Variants in RPS3 observed in about 807,000 individuals in gnomAD.
RPS3 encodes ribosomal protein S3.
RPS3 carries 2 observed loss-of-function variants against 25.8 expected under a neutral mutation model. The observed-to-expected ratio is 0.08, with a 90% confidence interval of 0.03 to 0.24. The LOEUF is 0.24. Ranked by LOEUF, RPS3 falls within the 10% of genes least tolerant of loss-of-function variation. RPS3 has a pLI of 1.00. For synonymous variants in RPS3, 114 were observed against 114.2 expected (o/e 1.00, Z 0.01); for missense variants, 107 against 307.1 (o/e 0.35, Z 4.87).
At position 75,404,364 on chromosome 11, in the gene RPS3, G is replaced by A. The variant is rs534016694; in HGVS notation, c.538+157G>A. ...CACGTTGATCTGTAAGAATCGATTT[G>A]CTGAGATCTGTCAGATCCAAGAGTT... On this transcript the variant is annotated intron_variant, in intron 5 of 6. Transcript: ENST00000531188. The surrounding 1 kb of genome is among the most constrained non-coding windows in gnomAD (Gnocchi z 4.6). 1.2e-6 allele frequency: 1 copy of A among 823,780 alleles called. No homozygotes were observed. Among genetic ancestry groups the A allele is most frequent in the African/African-American group, 1.7e-5 (1 of 60,012 alleles). 51.0% of individuals were successfully genotyped at this position (823,780 alleles called of 1,614,324 possible).
Position 75,402,301 on chromosome 11 carries a change from C to T in RPS3, c.256-51C>T, listed in dbSNP as rs1948221510. ...TGGCAAATGCCAAATTTTCAACTTT[C>T]AGTTGAAAATAATGGTGATGGTAAC... is the stretch of plus-strand genomic sequence containing the variant. On this transcript the variant is annotated intron_variant, in intron 3 of 6. Transcript: ENST00000531188. 1 of 1,595,994 alleles carries T rather than the reference C, an allele frequency of 6.3e-7. No homozygotes were observed. Among genetic ancestry groups the T allele is most frequent in the Middle Eastern group, 1.7e-4 (1 of 6,006 alleles).
downstream of RPS3, among the ~76,000 whole-genome samples, chr11:75,411,486 T>A (rs1306128592): frequency 2.0e-5 from 3 of 152,144 alleles, no homozygotes; most frequent in Non-Finnish European, 4.4e-5. Context: ...ACCTCCTGGC[T>A]TCACGACATT....
At chr11:75,400,138 C>CTT (rs1948185403) in intron 1 of RPS3, among the ~76,000 whole-genome samples, 1 of 152,212 alleles carries the variant, frequency 6.6e-6, no homozygotes, top group African/African-American at 2.4e-5. Context: ...CGTATATACA[C>CTT]TTCGATGTCA....
chr11:75,409,759 C>T (rs1304678352), downstream of RPS3, among the ~76,000 whole-genome samples: 3 of 151,126 alleles, frequency 2.0e-5, no homozygotes, highest in East Asian at 2.0e-4. Context: ...CCAGTAGGGG[C>T]GGCCGGGCAG....
chr11:75,402,510 T>G, intron 4 of RPS3, 64 bp downstream of exon 4: 1 of 1,508,058 alleles, frequency 6.6e-7, no homozygotes, highest in Admixed American at 1.8e-5. Flanking sequence ...GTCTGCCATT[T>G]GTTAATTTAG....
chr11:75,402,207 C>G, intron 3 of RPS3, 145 bp from the exon 4 acceptor site: 1 of 1,214,570 alleles, frequency 8.2e-7, no homozygotes, highest in Middle Eastern at 2.0e-4. Context: ...GGGCCACAAT[C>G]AAAGCCATCT....
chr11:75,420,094 G>A (rs1042767348), intron 6 of RPS3, among the ~76,000 whole-genome samples: 3 of 152,208 alleles, frequency 2.0e-5, no homozygotes, highest in African/African-American at 7.2e-5. Flanking sequence ...CGGCAAAGCC[G>A]CACACCTGAG....
chr11:75,407,494 C>T (rs1029217626), downstream of RPS3, among the ~76,000 whole-genome samples: 2 of 151,800 alleles, frequency 1.3e-5, no homozygotes, highest in African/African-American at 2.4e-5. Context: ...TTTTTTGAGA[C>T]GGAGTCTCGC....
chr11:75,415,167 A>T (rs1461262466), intron 6 of RPS3, among the ~76,000 whole-genome samples: 4 of 152,136 alleles, frequency 2.6e-5, no homozygotes, highest in Non-Finnish European at 5.9e-5. Context: ...TACTAAGGGG[A>T]CTTGAGATGC....
rs1487836000 is a variant in RPS3 at position 75,404,167 on chromosome 11, C to T, written c.498C>T (p.Tyr166=). The change falls in exon 5 of 7, where the codon TAC becomes TAT. Residue 166 remains tyrosine (Y), a synonymous_variant. Coordinates refer to ENST00000531188, the MANE Select transcript of RPS3 (RefSeq NM_001005.5). The surrounding 1 kb of genome is among the most constrained non-coding windows in gnomAD (Gnocchi z 4.6). ...LMIHSGDPVN[Y]YVDTAVRHVL... ...TCCACAGCGGAGACCCTGTTAACTA[C>T]TACGTTGACACTGCTGTGCGCCACG... 6.2e-7 allele frequency: 1 copy of T among 1,614,056 alleles called. No individual in the cohort carries two copies. Among genetic ancestry groups the T allele is most frequent in the Non-Finnish European group, 8.5e-7 (1 of 1,180,024 alleles).
In RPS3 at chr11:75,404,169, A is replaced by G; in HGVS notation, c.500A>G (p.Tyr167Cys). The change falls in exon 5 of 7, where the codon TAC becomes TGC. Residue 167 changes from tyrosine to cysteine, a missense_variant. Tyr to Cys is a radical substitution (Grantham distance 194). Coordinates refer to ENST00000531188, the MANE Select transcript of RPS3 (RefSeq NM_001005.5). The surrounding 1 kb of genome is among the most constrained non-coding windows in gnomAD (Gnocchi z 4.6). ...CACAGCGGAGACCCTGTTAACTACTACGTTGACACTGCTGTGCGCCACGTG... is the reference window on the plus strand; with the variant it reads ...CACAGCGGAGACCCTGTTAACTACTGCGTTGACACTGCTGTGCGCCACGTG... ...MIHSGDPVNY[Y>C]VDTAVRHVLL... 6.2e-7 allele frequency: 1 copy of G among 1,614,142 alleles called. No individual in the cohort carries two copies. The highest frequency in any genetic ancestry group is 8.5e-7 in the Non-Finnish European group (1 of 1,180,010).
rs773663199 is a variant in RPS3 at position 75,420,055 on chromosome 11, GTC to G, written c.*4-1668_*4-1667del. On this transcript the variant is annotated intron_variant, in intron 6 of 6. Transcript: ENST00000527446. ...CTTCTGAGGGTATACCACGAGTGAA[GTC>G]TCTTATGTTCTCAACAAGGGAGCGA... Among the ~76,000 whole-genome samples the G allele has an allele frequency of 2.6e-5, 4 of 152,334 alleles. No homozygotes were observed. In the South Asian group the frequency reaches 8.3e-4, roughly 32 times the overall value.
At chr11:75,409,110 T>G (rs1948317121), downstream of RPS3, among the ~76,000 whole-genome samples, 1 of 152,082 alleles carries the variant, frequency 6.6e-6, no homozygotes, top group Non-Finnish European at 1.5e-5. Flanking sequence ...ACCTCCCGGG[T>G]AGCTGGGACT....
At chr11:75,407,797 G>C, downstream of RPS3, among the ~76,000 whole-genome samples, 1 of 152,206 alleles carries the variant, frequency 6.6e-6, no homozygotes, top group Non-Finnish European at 1.5e-5. Flanking sequence ...CTGGGAATAG[G>C]TTAAGACTGT....
chr11:75,401,935 G>T, intron 3 of RPS3: 1 of 576,558 alleles, frequency 1.7e-6, no homozygotes, highest in Admixed American at 3.3e-5. Flanking sequence ...TTCAACTTGG[G>T]TATAGAAATG....
chr11:75,407,080 C>A (rs149646945), downstream of RPS3, among the ~76,000 whole-genome samples: 77 of 152,350 alleles, frequency 5.1e-4, no homozygotes, highest in African/African-American at 1.8e-3. Context: ...CTTCATCTTG[C>A]AGATGTGCTG....
chr11:75,421,965 T>C (rs917317006), exon 7 of RPS3: 1 of 152,274 alleles, frequency 6.6e-6, no homozygotes, highest in African/African-American at 2.4e-5. Flanking sequence ...TGAAATATTT[T>C]ATAGTTTTTA....
At chr11:75,410,058 A>T (rs557133419), downstream of RPS3, among the ~76,000 whole-genome samples, 3 of 99,584 alleles carry the variant, frequency 3.0e-5, no homozygotes, top group African/African-American at 1.2e-4. Context: ...GCGGCTGGCC[A>T]GGCGGGGGGC....
chr11:75,414,604 CTCA>C (rs1298802383), intron 6 of RPS3, among the ~76,000 whole-genome samples: 2 of 19,780 alleles, frequency 1.0e-4, no homozygotes, highest in Admixed American at 6.4e-4. Flanking sequence ...GAGCGAGACT[CTCA>C]AAAAAAAAAA....
Sources: gnomAD v4.1 joint callset for allele counts (sites outside exome capture counted in the v4.1 genomes callset) on GRCh38, gnomAD v4.1.1 for gene constraint, Gnocchi (gnomAD v3.1) non-coding constraint, MANE v1.5 for transcripts, NCBI Gene and HGNC (gene_info 2026-07-23, HGNC 2026-07-21) for gene names.